Variants in GRAMD1B observed in about 807,000 individuals in gnomAD.
GRAMD1B encodes the protein GRAM domain containing 1B, also known as protein Aster-B.
A neutral mutation model predicts 99.7 loss-of-function variants in GRAMD1B; 37 were observed. That is an observed-to-expected ratio of 0.37 (90% CI 0.29 to 0.49). The LOEUF (loss-of-function observed/expected upper bound fraction) is 0.49. Ranked by LOEUF, GRAMD1B falls within the 20% of genes least tolerant of loss-of-function variation. GRAMD1B has a pLI of 0.98. For synonymous variants in GRAMD1B, 427 were observed against 387.6 expected (o/e 1.10, Z -1.19); for missense variants, 888 against 1,009.2 (o/e 0.88, Z 1.63).
intron 1 of GRAMD1B, among the ~76,000 whole-genome samples, chr11:123,465,493 G>A (rs1049707115): frequency 3.3e-5 from 5 of 152,160 alleles, no homozygotes; most frequent in African/African-American, 1.2e-4. Flanking sequence ...GGGGCGTGGT[G>A]TGGTGGCTCA....
intron 1 of GRAMD1B, among the ~76,000 whole-genome samples, chr11:123,463,168 C>A (rs1373681324): frequency 6.6e-6 from 1 of 152,156 alleles, no homozygotes; most frequent in African/African-American, 2.4e-5. Context: ...GCCACCACCA[C>A]GCCTGACTAA....
intron 1 of GRAMD1B, among the ~76,000 whole-genome samples, chr11:123,438,587 C>T (rs1000330660): frequency 2.0e-5 from 3 of 152,044 alleles, no homozygotes; most frequent in Non-Finnish European, 4.4e-5. Context: ...GAAACTGAGA[C>T]GGTAGAGATG....
intron 1 of GRAMD1B, among the ~76,000 whole-genome samples, chr11:123,464,798 CA>C (rs1380022425): frequency 6.6e-6 from 1 of 152,138 alleles, no homozygotes; most frequent in Non-Finnish European, 1.5e-5. Flanking sequence ...TAATATAACT[CA>C]GTGATAGATC....
chr11:123,459,603 A>G (rs1193698233), intron 1 of GRAMD1B: 1 of 152,176 alleles, frequency 6.6e-6, no homozygotes, highest in Non-Finnish European at 1.5e-5. Flanking sequence ...AGTTTGATAA[A>G]AAAGAGAGAG....
At chr11:123,461,108 T>C (rs928862933) in intron 1 of GRAMD1B, among the ~76,000 whole-genome samples, 3 of 152,214 alleles carry the variant, frequency 2.0e-5, no homozygotes, top group Non-Finnish European at 4.4e-5. Context: ...AAAAAATGTC[T>C]TAAAAACATA....
chr11:123,563,044 C>T (rs1337449724), intron 2 of GRAMD1B, among the ~76,000 whole-genome samples: 2 of 152,180 alleles, frequency 1.3e-5, no homozygotes, highest in East Asian at 1.9e-4. Context: ...ACCCGGACTC[C>T]GTTCAGAGGA....
rs186978657 is a variant in GRAMD1B at position 123,499,013 on chromosome 11, C to T, written c.452+18120C>T. The stretch of plus-strand genomic sequence containing the variant: ...CTGTGATCCTACTCTAGCTAATATC[C>T]GGCACACAATTTAATAGGGCTGGGA... On this transcript the variant is annotated intron_variant, in intron 2 of 19. Transcript: ENST00000635736. Among the ~76,000 whole-genome samples the T allele has an allele frequency of 4.9e-3, 746 of 152,254 alleles. 3 individuals are homozygous for T. Among genetic ancestry groups the T allele is most frequent in the Non-Finnish European group, 8.1e-3 (549 of 68,028 alleles).
intron 5 of GRAMD1B, 41 bp from the exon 6 acceptor site, chr11:123,594,694 C>T (rs772191849): frequency 1.9e-6 from 2 of 1,061,232 alleles, no homozygotes; most frequent in South Asian, 1.3e-5. Context: ...GCCGAAAATG[C>T]TTCCTGCCTC....
intron 1 of GRAMD1B, among the ~76,000 whole-genome samples, chr11:123,418,285 T>G (rs937398293): frequency 9.2e-5 from 14 of 152,136 alleles, no homozygotes; most frequent in Admixed American, 8.5e-4. Context: ...TCTGTCAGGG[T>G]TTCCCAAGGG....
chr11:123,405,032 G>A (rs1439697922), intron 1 of GRAMD1B, among the ~76,000 whole-genome samples: 1 of 152,182 alleles, frequency 6.6e-6, no homozygotes, highest in African/African-American at 2.4e-5. Context: ...AGTCAGAAGG[G>A]AAATAGCCAA....
chr11:123,441,852 CT>C (rs937473632), intron 1 of GRAMD1B, among the ~76,000 whole-genome samples: 152 of 152,238 alleles, frequency 1.0e-3, no homozygotes, highest in African/African-American at 3.5e-3. Flanking sequence ...AATATCCCGA[CT>C]ATATCAAGGG....
At chr11:123,580,667 C>T (rs563750803) in intron 3 of GRAMD1B, among the ~76,000 whole-genome samples, 2 of 152,200 alleles carry the variant, frequency 1.3e-5, no homozygotes. Context: ...AGGTGCAGTC[C>T]GGCCCCAGCA....
intron 1 of GRAMD1B, among the ~76,000 whole-genome samples, chr11:123,438,302 C>T (rs1039679380): frequency 3.3e-5 from 5 of 152,182 alleles, no homozygotes; most frequent in African/African-American, 4.8e-5. Flanking sequence ...TGTCCTAATT[C>T]CAAAGCCTGA....
intron 3 of GRAMD1B, among the ~76,000 whole-genome samples, chr11:123,581,067 C>T (rs12295394): frequency 0.067 from 10,239 of 152,054 alleles, 624 homozygotes; most frequent in African/African-American, 0.16. Context: ...ACTTAATCTT[C>T]CAGACTCCCG....
Position 123,623,567 on chromosome 11 carries a change from A to G in GRAMD1B, c.*972A>G, listed in dbSNP as rs901239531. On this transcript the variant is annotated 3_prime_UTR_variant, in exon 20 of 20. Transcript: ENST00000635736. ...GTCAGGGTGTGCTGGGCCCTCCAGG[A>G]TTTGAGAGAGGGAGAGAAGGCCCTT... is the stretch of plus-strand genomic sequence containing the variant. The G allele has an allele frequency of 3.4e-4, 52 of 152,078 alleles. 1 individual carries two copies. The allele number at this position is 152,078 out of a possible 1,614,324, so 9.4% of individuals were successfully genotyped here.
intron 12 of GRAMD1B, among the ~76,000 whole-genome samples, chr11:123,609,118 C>T (rs1027468265): frequency 6.6e-6 from 1 of 152,144 alleles, no homozygotes; most frequent in Non-Finnish European, 1.5e-5. Context: ...GTGGCTCTCA[C>T]TCGCTGGCAG....
chr11:123,421,574 T>C (rs1948436439), intron 1 of GRAMD1B, among the ~76,000 whole-genome samples: 2 of 152,222 alleles, frequency 1.3e-5, no homozygotes, highest in Admixed American at 1.3e-4. Context: ...AGGATGTGCA[T>C]GGGATGAGAT....
intron 1 of GRAMD1B, among the ~76,000 whole-genome samples, chr11:123,375,722 A>T (rs949596153): frequency 6.6e-6 from 1 of 152,208 alleles, no homozygotes; most frequent in East Asian, 1.9e-4. Context: ...AACACATTTC[A>T]CACCAGGGAG....
At chr11:123,472,103 C>T (rs560535185) in intron 1 of GRAMD1B, among the ~76,000 whole-genome samples, 30 of 151,870 alleles carry the variant, frequency 2.0e-4, no homozygotes, top group East Asian at 1.4e-3. Context: ...CATGGTGGTG[C>T]GGGCCTGTCA....
Sources: gnomAD v4.1 joint callset for allele counts (sites outside exome capture counted in the v4.1 genomes callset) on GRCh38, gnomAD v4.1.1 for gene constraint, MANE v1.5 for transcripts, NCBI Gene and HGNC (gene_info 2026-07-23, HGNC 2026-07-21) for gene names.